Variants in ADGRL2 observed in about 807,000 individuals in gnomAD.
The protein encoded by ADGRL2 is adhesion G protein-coupled receptor L2.
Under a neutral mutation model 157.4 loss-of-function variants are expected in ADGRL2, and 44 were observed. That is an observed-to-expected ratio of 0.28 (90% CI 0.22 to 0.36). The LOEUF (loss-of-function observed/expected upper bound fraction) is 0.36. Ranked by LOEUF, ADGRL2 falls within the 10% of genes least tolerant of loss-of-function variation. The pLI is 1.00. For synonymous variants in ADGRL2, 585 were observed against 624.7 expected, an observed-to-expected ratio of 0.94 and a Z score of 0.95; for missense variants, 1,510 against 1,768.9, an observed-to-expected ratio of 0.85 and a Z score of 2.63.
At chr1:81,531,632 A>T (rs2079601628) in intron 2 of ADGRL2, among the ~76,000 whole-genome samples, 3 of 152,182 alleles carry the variant, frequency 2.0e-5, no homozygotes, top group Admixed American at 2.0e-4. Flanking sequence ...TACAGGAGGA[A>T]CTTTGTTATA....
rs566252595 is a variant in ADGRL2 at position 81,516,904 on chromosome 1, A to G, written c.-247-63972A>G. On this transcript the variant is annotated intron_variant, in intron 2 of 24. Coordinates refer to the ADGRL2 transcript ENST00000370721. ...TGGGTGCTTATATGTTCTACATGCC[A>G]TCTCGGTGGCGCAGACACACTAACT... Among the ~76,000 whole-genome samples the G allele has an allele frequency of 2.1e-3, 311 of 151,140 alleles. 1 individual carries two copies. The highest frequency in any genetic ancestry group is 3.3e-3 in the Non-Finnish European group (222 of 67,686).
At chr1:81,383,929 G>A (rs184492555) in intron 1 of ADGRL2, among the ~76,000 whole-genome samples, 2 of 148,034 alleles carry the variant, frequency 1.4e-5, no homozygotes, top group East Asian at 3.9e-4. Flanking sequence ...ACTCCAGCCT[G>A]GGCAACAGAG....
intron 3 of ADGRL2, among the ~76,000 whole-genome samples, chr1:81,602,155 G>T (rs553763238): frequency 2.0e-5 from 3 of 152,286 alleles, no homozygotes; most frequent in Non-Finnish European, 4.4e-5. Flanking sequence ...GTTAATTGGA[G>T]ATATTAAAAT....
At chr1:81,874,478 T>A (rs2093777387) in intron 2 of ADGRL2, among the ~76,000 whole-genome samples, 1 of 152,144 alleles carries the variant, frequency 6.6e-6, no homozygotes, top group Non-Finnish European at 1.5e-5. Context: ...TAGTCATAAA[T>A]TAAATTGTTA....
intron 3 of ADGRL2, among the ~76,000 whole-genome samples, chr1:81,640,591 C>A (rs1386731974): frequency 6.6e-6 from 1 of 151,448 alleles, no homozygotes; most frequent in Non-Finnish European, 1.5e-5. Context: ...AAGATGGCAC[C>A]ACTGCACTCC....
chr1:81,762,345 T>G (rs549669738), intron 2 of ADGRL2, among the ~76,000 whole-genome samples: 2 of 152,336 alleles, frequency 1.3e-5, no homozygotes, highest in South Asian at 4.1e-4. Context: ...AAAGTATATA[T>G]CATAACTTCT....
intron 1 of ADGRL2, among the ~76,000 whole-genome samples, chr1:81,353,196 T>C (rs1663038776): frequency 8.1e-6 from 1 of 122,980 alleles, no homozygotes; most frequent in Non-Finnish European, 1.9e-5. Flanking sequence ...GCACTTCCCA[T>C]ACTGCCTGAG....
chr1:81,551,118 G>A (rs1049538117), intron 2 of ADGRL2, among the ~76,000 whole-genome samples: 1 of 152,168 alleles, frequency 6.6e-6, no homozygotes, highest in South Asian at 2.1e-4. Context: ...GTAAGGATCA[G>A]AAATAATACA....
At chr1:81,917,428 GA>G (rs1336523656) in intron 3 of ADGRL2, among the ~76,000 whole-genome samples, 1 of 151,684 alleles carries the variant, frequency 6.6e-6, no homozygotes, top group Non-Finnish European at 1.5e-5. Context: ...AATGTAGTTA[GA>G]TTTTTTTTAG....
chr1:81,822,903 A>C (rs1304084305), intron 1 of ADGRL2, among the ~76,000 whole-genome samples: 1 of 151,970 alleles, frequency 6.6e-6, no homozygotes, highest in East Asian at 1.9e-4. Flanking sequence ...TAATGAGGAG[A>C]CTCTGGTTTT....
chr1:81,862,031 G>A (rs1214502942), intron 2 of ADGRL2, among the ~76,000 whole-genome samples: 1 of 152,068 alleles, frequency 6.6e-6, no homozygotes, highest in Non-Finnish European at 1.5e-5. Flanking sequence ...TGCGGCCGAA[G>A]ATACTTTATA....
intron 2 of ADGRL2, among the ~76,000 whole-genome samples, chr1:81,515,358 G>A (rs1356327430): frequency 6.6e-6 from 1 of 151,354 alleles, no homozygotes; most frequent in African/African-American, 2.4e-5. Context: ...ATGTGGTTCT[G>A]CCTTTGCTTA....
chr1:81,695,691 T>C (rs56291549), upstream of ADGRL2, among the ~76,000 whole-genome samples: 2,684 of 152,028 alleles, frequency 0.018, 33 homozygotes, highest in South Asian at 0.054. Context: ...TGTGATGGTG[T>C]GTGCCAGTAA....
intron 1 of ADGRL2, among the ~76,000 whole-genome samples, chr1:81,424,942 A>G (rs544349751): frequency 7.9e-5 from 12 of 152,328 alleles, no homozygotes; most frequent in African/African-American, 2.4e-4. Context: ...GCTATGGAGC[A>G]GTCCTCTTCT....
chr1:81,622,883 A>T (rs760392173), intron 3 of ADGRL2, among the ~76,000 whole-genome samples: 1 of 152,212 alleles, frequency 6.6e-6, no homozygotes, highest in African/African-American at 2.4e-5. Context: ...CATTTTACAT[A>T]TATGATTTAA....
At chr1:81,875,602 C>A (rs925225018) in intron 2 of ADGRL2, among the ~76,000 whole-genome samples, 2 of 152,140 alleles carry the variant, frequency 1.3e-5, no homozygotes, top group Non-Finnish European at 2.9e-5. Context: ...AAATTTGGAA[C>A]AACAATTAAA....
At chr1:81,591,796 G>T (rs528985831) in intron 3 of ADGRL2, among the ~76,000 whole-genome samples, 2 of 152,122 alleles carry the variant, frequency 1.3e-5, no homozygotes, top group African/African-American at 4.8e-5. Context: ...CCTGAGGATG[G>T]CCTTCAGCGA....
intron 1 of ADGRL2, among the ~76,000 whole-genome samples, chr1:81,368,252 T>C (rs1428663238): frequency 1.3e-5 from 2 of 152,194 alleles, no homozygotes; most frequent in African/African-American, 4.8e-5. Context: ...CTCATTGTGG[T>C]TTTGATTTGC....
At chr1:81,440,944 T>G (rs1296445849) in intron 1 of ADGRL2, among the ~76,000 whole-genome samples, 1 of 152,220 alleles carries the variant, frequency 6.6e-6, no homozygotes, top group African/African-American at 2.4e-5. Flanking sequence ...CAGCCTACTA[T>G]CTTCCTCACA....
Sources: allele counts gnomAD v4.1 joint callset (sites outside exome capture counted in the v4.1 genomes callset), GRCh38; gene constraint gnomAD v4.1.1; transcripts MANE v1.5; gene names NCBI Gene and HGNC (gene_info 2026-07-23, HGNC 2026-07-21).